RANBP2: variants seen among roughly 807,000 people sequenced by gnomAD.
RANBP2 encodes E3 SUMO-protein ligase RanBP2.
Under a neutral mutation model 303.6 loss-of-function variants are expected in RANBP2, and 57 were observed. The ratio of observed to expected loss-of-function variants is 0.19; its 90% CI spans 0.15 to 0.23. The LOEUF (loss-of-function observed/expected upper bound fraction) is 0.23. RANBP2 is among the 10% of genes least tolerant of loss of function. The pLI is 1.00. For missense variants in RANBP2, 3,138 were observed against 3,780.8 expected, an observed-to-expected ratio of 0.83 and a Z score of 4.46; for synonymous variants, 1,167 against 1,301.5, an observed-to-expected ratio of 0.90 and a Z score of 2.23.
the RANBP2 span, among the ~76,000 whole-genome samples, chr2:108,805,224 A>G: frequency 1.3e-5 from 2 of 152,164 alleles, no homozygotes; most frequent in East Asian, 1.9e-4. Flanking sequence ...CTGACAAACA[A>G]AAGAAAAAAA....
the RANBP2 span, among the ~76,000 whole-genome samples, chr2:108,993,196 C>T: frequency 8.1e-4 from 123 of 152,142 alleles, no homozygotes; most frequent in Admixed American, 1.7e-3. Context: ...CCAAGACTTG[C>T]GAAGGAAGAA....
the RANBP2 span, among the ~76,000 whole-genome samples, chr2:109,446,863 A>G: frequency 6.6e-6 from 1 of 152,180 alleles, no homozygotes; most frequent in Admixed American, 6.5e-5. Flanking sequence ...CCAGGGGCAC[A>G]GACCCTGGTG....
the RANBP2 span, among the ~76,000 whole-genome samples, chr2:109,430,750 C>T: frequency 2.6e-5 from 4 of 152,186 alleles, no homozygotes; most frequent in African/African-American, 4.8e-5. Context: ...AAACTGTGAA[C>T]GTGGTGGGGT....
chr2:109,675,272 C>T, the RANBP2 span, among the ~76,000 whole-genome samples: 1 of 152,222 alleles, frequency 6.6e-6, no homozygotes, highest in Non-Finnish European at 1.5e-5. Flanking sequence ...GACAGCTTGG[C>T]AAAGTGCAAA....
chr2:109,523,387 C>G, the RANBP2 span, among the ~76,000 whole-genome samples: 4 of 152,104 alleles, frequency 2.6e-5, no homozygotes, highest in Admixed American at 6.5e-5. Flanking sequence ...TGAGGATGCT[C>G]AGGGTCTACA....
the RANBP2 span, among the ~76,000 whole-genome samples, chr2:109,383,048 TGGAGGAAA>T: frequency 1.4e-4 from 21 of 152,232 alleles, no homozygotes; most frequent in African/African-American, 5.1e-4. Flanking sequence ...TAAAGAAGTT[TGGAGGAAA>T]CCGGTGTCAG....
chr2:109,519,997 G>A, the RANBP2 span, among the ~76,000 whole-genome samples: 1 of 152,198 alleles, frequency 6.6e-6, no homozygotes, highest in African/African-American at 2.4e-5. Flanking sequence ...ATCTACACGT[G>A]AGATGAAATT....
downstream of RANBP2, chr2:108,786,896 G>A (rs1231748411): frequency 6.4e-7 from 1 of 1,555,428 alleles, no homozygotes; most frequent in South Asian, 1.2e-5. Context: ...TACGGACTCG[G>A]GGGCAGCTGC....
chr2:108,826,618 A>G, the RANBP2 span, among the ~76,000 whole-genome samples: 19 of 152,268 alleles, frequency 1.2e-4, no homozygotes, highest in African/African-American at 4.6e-4. Flanking sequence ...CTATTTGTCT[A>G]TCCTTATGCC....
chr2:109,743,139 C>T, the RANBP2 span, among the ~76,000 whole-genome samples: 1 of 147,594 alleles, frequency 6.8e-6, no homozygotes, highest in Admixed American at 6.8e-5. Flanking sequence ...AGTGTGGTGG[C>T]TAGTGCCTGT....
At chr2:108,788,733 G>GA (rs1206460775), downstream of RANBP2, 986 of 1,372,842 alleles carry the variant, frequency 7.2e-4, no homozygotes, top group East Asian at 7.8e-4. Context: ...GAAAAAAAAA[G>GA]AAAAAAAAAT....
chr2:109,130,328 G>A, the RANBP2 span, among the ~76,000 whole-genome samples: 1 of 152,228 alleles, frequency 6.6e-6, no homozygotes, highest in African/African-American at 2.4e-5. Flanking sequence ...ATCCTCCTGT[G>A]GAGTGGGCAC....
At chr2:108,751,214 C>T (rs1383561952) in intron 9 of RANBP2, 50 bp from the exon 10 acceptor site, 1 of 1,611,826 alleles carries the variant, frequency 6.2e-7, no homozygotes, top group African/African-American at 1.3e-5. Flanking sequence ...AAACTAATGG[C>T]ACAAGGAAAA....
the RANBP2 span, among the ~76,000 whole-genome samples, chr2:108,932,276 C>T: frequency 6.6e-6 from 1 of 152,134 alleles, no homozygotes; most frequent in African/African-American, 2.4e-5. Flanking sequence ...CACCTGTAAT[C>T]CCAGCACTTT....
chr2:109,065,691 T>G, the RANBP2 span, among the ~76,000 whole-genome samples: 1 of 152,176 alleles, frequency 6.6e-6, no homozygotes, highest in Non-Finnish European at 1.5e-5. Flanking sequence ...AAGTTAAGGA[T>G]GCATGTAGGA....
intron 1 of RANBP2, among the ~76,000 whole-genome samples, chr2:108,727,243 T>G (rs1315820667): frequency 1.3e-5 from 2 of 152,168 alleles, no homozygotes; most frequent in East Asian, 3.9e-4. Flanking sequence ...GAGGTGAGTT[T>G]TTGACTTAGG....
chr2:108,925,347 C>T, the RANBP2 span, among the ~76,000 whole-genome samples: 2 of 152,364 alleles, frequency 1.3e-5, no homozygotes, highest in Middle Eastern at 3.4e-3. Context: ...GTTCACACCC[C>T]AGGTGCCGGG....
the RANBP2 span, among the ~76,000 whole-genome samples, chr2:108,957,494 G>A: frequency 1.3e-5 from 2 of 152,276 alleles, no homozygotes; most frequent in African/African-American, 4.8e-5. Context: ...AGGCCCCCCA[G>A]GGGGCTGGAT....
the RANBP2 span, among the ~76,000 whole-genome samples, chr2:109,091,618 C>T: frequency 6.6e-6 from 1 of 152,180 alleles, no homozygotes; most frequent in Non-Finnish European, 1.5e-5. Flanking sequence ...GGGAGCTTGT[C>T]CCGGATTGCC....
Sources: gnomAD v4.1 joint callset for allele counts (sites outside exome capture counted in the v4.1 genomes callset) on GRCh38, gnomAD v4.1.1 for gene constraint, MANE v1.5 for transcripts, NCBI Gene and HGNC (gene_info 2026-07-23, HGNC 2026-07-21) for gene names.